The following NSMAF variants were observed in gnomAD, a reference collection of about 807,000 sequenced individuals.
The protein encoded by NSMAF is neutral sphingomyelinase activation associated factor, also known as protein FAN.
A neutral mutation model predicts 134.9 loss-of-function variants in NSMAF; 90 were observed. The ratio of observed to expected loss-of-function variants is 0.67; its 90% CI spans 0.56 to 0.79. The LOEUF is 0.79. Ranked by LOEUF, NSMAF falls within the 30% of genes least tolerant of loss-of-function variation. The probability of loss-of-function intolerance (pLI) is 0.00; values close to 1 mark genes in which losing one functional copy is unlikely to be tolerated. For missense variants in NSMAF, 1,010 were observed against 1,119.0 expected (o/e 0.90, Z 1.39); for synonymous variants, 358 against 389.6 (o/e 0.92, Z 0.96).
chr8:58,641,104 A>C (rs1017061831), intron 2 of NSMAF, among the ~76,000 whole-genome samples: 1 of 152,032 alleles, frequency 6.6e-6, no homozygotes, highest in Non-Finnish European at 1.5e-5. Context: ...GTATTTTAGC[A>C]GAGACGAGGT....
intron 23 of NSMAF, 174 bp from the exon 24 acceptor site, chr8:58,591,108 C>T: frequency 3.4e-6 from 2 of 590,874 alleles, no homozygotes; most frequent in South Asian, 2.5e-5. Context: ...CCTCATCCAA[C>T]ATTAAGATTC....
chr8:58,641,221 T>A (rs1487791945), intron 2 of NSMAF, among the ~76,000 whole-genome samples: 1 of 152,182 alleles, frequency 6.6e-6, no homozygotes, highest in Non-Finnish European at 1.5e-5. Flanking sequence ...ACACCTGGCC[T>A]TACTGTTTCT....
At chr8:58,654,315 C>A (rs1807652393) in intron 1 of NSMAF, among the ~76,000 whole-genome samples, 1 of 152,152 alleles carries the variant, frequency 6.6e-6, no homozygotes. Context: ...GAAAGTTGGG[C>A]CGGGCGTGGT....
At chr8:58,626,412 G>A (rs1806932577) in intron 6 of NSMAF, among the ~76,000 whole-genome samples, 1 of 152,078 alleles carries the variant, frequency 6.6e-6, no homozygotes, top group Non-Finnish European at 1.5e-5. Flanking sequence ...TAATTCTTAT[G>A]TCTTTGCATT....
chr8:58,604,664 C>T (rs1357601958), intron 12 of NSMAF, among the ~76,000 whole-genome samples: 2 of 152,020 alleles, frequency 1.3e-5, no homozygotes, highest in East Asian at 3.9e-4. Context: ...TACTTTACTA[C>T]AAATTTCACA....
At chr8:58,645,911 G>A (rs1807440628) in intron 1 of NSMAF, among the ~76,000 whole-genome samples, 1 of 152,012 alleles carries the variant, frequency 6.6e-6, no homozygotes, top group Non-Finnish European at 1.5e-5. Context: ...CGTGGTGGCG[G>A]GCGCCTATAA....
At chr8:58,605,256 A>G (rs1806377597) in intron 12 of NSMAF, among the ~76,000 whole-genome samples, 1 of 152,230 alleles carries the variant, frequency 6.6e-6, no homozygotes. Flanking sequence ...CTCCAAAGTC[A>G]GTATATTGAG....
Position 58,659,650 on chromosome 8 carries a change from G to T in NSMAF, c.-19C>A. ...ACGCCATGGAGGGTAGGCGCGGGCG[G>T]GCGCAGAGCGCACAGGCAGGCCCCG... On this transcript the variant is annotated 5_prime_UTR_variant, in exon 1 of 31. Transcript: ENST00000038176. 1 of 1,416,238 alleles carries T rather than the reference G, an allele frequency of 7.1e-7. No individual in the cohort carries two copies. The highest frequency in any genetic ancestry group is 9.2e-7 in the Non-Finnish European group (1 of 1,085,892). The allele number at this position is 1,416,238 out of a possible 1,614,324, so 87.7% of individuals were successfully genotyped here. A position where few individuals can be genotyped will look rare whatever the true frequency, so the allele number is the denominator to read the frequency against.
intron 2 of NSMAF, chr8:58,637,496 A>G (rs1807203365): frequency 2.7e-6 from 1 of 371,422 alleles, no homozygotes; most frequent in Admixed American, 3.2e-5. Flanking sequence ...AATCCTAGCC[A>G]GAGCAATTTG....
chr8:58,589,817 A>G (rs919259692), intron 25 of NSMAF, 190 bp downstream of exon 25: 10 of 587,032 alleles, frequency 1.7e-5, no homozygotes, highest in African/African-American at 1.9e-5. Flanking sequence ...ACAGACTCCA[A>G]TTGGAGAAAT....
At chr8:58,629,938 T>C (rs1245272125) in intron 6 of NSMAF, among the ~76,000 whole-genome samples, 2 of 152,194 alleles carry the variant, frequency 1.3e-5, no homozygotes, top group Non-Finnish European at 2.9e-5. Flanking sequence ...ATCTAGAGTA[T>C]GCAGGGTTCC....
At chr8:58,629,121 T>A (rs1401396610) in intron 6 of NSMAF, among the ~76,000 whole-genome samples, 1 of 152,186 alleles carries the variant, frequency 6.6e-6, no homozygotes, top group East Asian at 1.9e-4. Flanking sequence ...AAATACACTT[T>A]CTGTTTCTTT....
chr8:58,623,904 C>G (rs1163046884), intron 6 of NSMAF, 124 bp from the exon 7 acceptor site: 5 of 695,720 alleles, frequency 7.2e-6, no homozygotes, highest in Non-Finnish European at 1.2e-5. Flanking sequence ...AGTGTAACTT[C>G]CCCACTGGAA....
rs569511609 is a variant in NSMAF, at chr8:58,648,727, C to A, written c.60-5654G>T. On this transcript the variant is annotated intron_variant, in intron 1 of 30. Coordinates refer to ENST00000038176, the MANE Select transcript of NSMAF (RefSeq NM_003580.4). ...GCTCATGCTGCTGCTCCAAAGGGTG[C>A]AAGACATTAGCCTTGGAAGCTTCCA... 1.2e-3 allele frequency among the ~76,000 whole-genome samples: 176 copies of A among 152,320 alleles called. No homozygotes were observed. In the South Asian group the frequency reaches 0.014, roughly 12 times the overall value.
At chr8:58,624,838 T>C (rs188899597) in intron 6 of NSMAF, among the ~76,000 whole-genome samples, 236 of 152,334 alleles carry the variant, frequency 1.5e-3, no homozygotes, top group Middle Eastern at 3.4e-3. Context: ...GTCGAAAGTG[T>C]GGTATTGAAA....
chr8:58,584,114 G>A lies in NSMAF; in HGVS notation c.2746C>T (p.Gln916Ter), dbSNP rs745374973. The stretch of plus-strand genomic sequence containing the variant: ...AGGAGAGGAAAAGGCACTTAATACT[G>A]CAATTTCCAGAATATAATTTGTCTG... ...EDRQIIFWKL[Q>*]Y The change falls in exon 31 of 31, where the codon CAG becomes TAG. Residue 916 changes from glutamine to a stop codon, truncating the protein, a stop_gained. Transcript: ENST00000038176. LOFTEE classifies it high-confidence loss of function. 18 of 1,611,090 alleles carry A rather than the reference G, an allele frequency of 1.1e-5. No homozygotes were observed. In the South Asian group the frequency reaches 1.9e-4, roughly 17 times the overall value.
At chr8:58,598,490 C>CAAAAAAAAAAAAAAAAAAAAAA (rs71250204) in intron 19 of NSMAF, among the ~76,000 whole-genome samples, 104 of 125,938 alleles carry the variant, frequency 8.3e-4, no homozygotes, top group Non-Finnish European at 1.1e-3. Flanking sequence ...CTGTCTCAAA[C>CAAAAAAAAAAAAAAAAAAAAAA]AAAAAAAAAA....
intron 1 of NSMAF, among the ~76,000 whole-genome samples, chr8:58,644,607 A>G (rs918341242): frequency 6.6e-6 from 1 of 152,236 alleles, no homozygotes; most frequent in Non-Finnish European, 1.5e-5. Context: ...AAGCCATCCC[A>G]TTACTGGGTA....
intron 27 of NSMAF, among the ~76,000 whole-genome samples, 168 bp downstream of exon 27, chr8:58,587,450 A>T (rs1805911626): frequency 6.6e-6 from 1 of 152,254 alleles, no homozygotes; most frequent in South Asian, 2.1e-4. Context: ...AACAAAGTAG[A>T]CTTGGAAACC....
Sources: gnomAD v4.1 joint callset for allele counts (sites outside exome capture counted in the v4.1 genomes callset) on GRCh38, gnomAD v4.1.1 for gene constraint, MANE v1.5 for transcripts, NCBI Gene and HGNC (gene_info 2026-07-23, HGNC 2026-07-21) for gene names.